Variants in HOOK3 observed in about 807,000 individuals in gnomAD.
The protein encoded by HOOK3 is protein Hook homolog 3.
Under a neutral mutation model 116.3 loss-of-function variants are expected in HOOK3, and 24 were observed. The observed-to-expected ratio is 0.21, with a 90% CI of 0.15 to 0.29. The LOEUF is 0.29. Among genes scored for constraint, HOOK3 ranks in the 10% least tolerant of loss-of-function variants. The pLI is 1.00. For synonymous variants in HOOK3, 275 were observed against 283.0 expected, an observed-to-expected ratio of 0.97 and a Z score of 0.28; for missense variants, 632 against 830.2, an observed-to-expected ratio of 0.76 and a Z score of 2.93.
At chr8:43,005,766 G>T (rs1033359316) in intron 17 of HOOK3, among the ~76,000 whole-genome samples, 1 of 151,684 alleles carries the variant, frequency 6.6e-6, no homozygotes, top group South Asian at 2.1e-4. Flanking sequence ...GCATGATCTC[G>T]GCTCACTTCA....
At chr8:42,962,572 A>G (rs563063603) in intron 8 of HOOK3, among the ~76,000 whole-genome samples, 3 of 150,732 alleles carry the variant, frequency 2.0e-5, no homozygotes, top group South Asian at 2.1e-4. Flanking sequence ...ACACCCAGCT[A>G]ATTTTTTATT....
intron 2 of HOOK3, among the ~76,000 whole-genome samples, chr8:42,923,845 G>C (rs1411030187): frequency 6.6e-6 from 1 of 152,124 alleles, no homozygotes; most frequent in Non-Finnish European, 1.5e-5. Flanking sequence ...AAAGTAAATA[G>C]ATAATGAAGT....
intron 1 of HOOK3, among the ~76,000 whole-genome samples, chr8:42,903,224 C>G (rs1209607739): frequency 6.6e-6 from 1 of 151,908 alleles, no homozygotes; most frequent in Non-Finnish European, 1.5e-5. Context: ...TAAAAACTTG[C>G]TATGAGGATC....
chr8:42,912,733 A>G (rs1807455639), intron 2 of HOOK3, among the ~76,000 whole-genome samples: 1 of 152,194 alleles, frequency 6.6e-6, no homozygotes, highest in South Asian at 2.1e-4. Context: ...ATTTGTTACA[A>G]TAGATAAACC....
At chr8:42,949,948 T>C (rs1428537813) in intron 5 of HOOK3, among the ~76,000 whole-genome samples, 2 of 150,974 alleles carry the variant, frequency 1.3e-5, no homozygotes, top group African/African-American at 2.4e-5. Context: ...TAAGGCAGAA[T>C]AATGCAGCAC....
chr8:42,983,399 A>G (rs1375090975), intron 14 of HOOK3, among the ~76,000 whole-genome samples: 1 of 151,884 alleles, frequency 6.6e-6, no homozygotes, highest in African/African-American at 2.4e-5. Context: ...TAATAATGCT[A>G]TAGACAGGAG....
chr8:42,947,706 T>C lies in HOOK3; in HGVS notation c.401-2682T>C, dbSNP rs1476845003. Among the ~76,000 whole-genome samples, 5 of 152,318 alleles carry C rather than the reference T, an allele frequency of 3.3e-5. No individual in the cohort carries two copies. In the East Asian group the frequency reaches 7.7e-4, roughly 23 times the overall value. ...GTTAAATATTAGCTGTCACTGCATATTTATGGTATATAATGTAAAACTCAC... is the reference window on the plus strand; with the variant it reads ...GTTAAATATTAGCTGTCACTGCATACTTATGGTATATAATGTAAAACTCAC... On this transcript the variant is annotated intron_variant, in intron 5 of 21. Transcript: ENST00000307602.
intron 16 of HOOK3, among the ~76,000 whole-genome samples, chr8:42,999,491 A>G (rs1481068270): frequency 6.6e-6 from 1 of 152,242 alleles, no homozygotes; most frequent in African/African-American, 2.4e-5. Context: ...GCCCCAGCAA[A>G]TATTTTTATG....
At chr8:42,922,433 A>G (rs1156870940) in intron 2 of HOOK3, among the ~76,000 whole-genome samples, 1 of 152,058 alleles carries the variant, frequency 6.6e-6, no homozygotes, top group Non-Finnish European at 1.5e-5. Flanking sequence ...GTGTCTTAGC[A>G]CTAGCTACTC....
chr8:42,982,254 T>TAAAAAAAAA (rs1162075588), intron 13 of HOOK3, among the ~76,000 whole-genome samples: 7 of 89,612 alleles, frequency 7.8e-5, no homozygotes, highest in Non-Finnish European at 1.3e-4. Flanking sequence ...GACTCTGTCT[T>TAAAAAAAAA]AAAAAAAAAA....
rs71550438 is a variant in HOOK3, at chr8:43,008,626, AATTTTT to A, written c.1738+734_1738+739del. On this transcript the variant is annotated intron_variant, in intron 18 of 21. Transcript: ENST00000307602. The stretch of plus-strand genomic sequence containing the variant: ...GAGCAACCATACCTGGCCTATATTA[AATTTTT>A]ATTTTTATTTTTATTTTTATTTTTA... Among the ~76,000 whole-genome samples, 1,410 of 142,996 alleles carry A rather than the reference AATTTTT, an allele frequency of 9.9e-3. 9 individuals are homozygous for A. Among genetic ancestry groups the A allele is most frequent in the African/African-American group, 0.012 (463 of 39,366 alleles). 93.8% of individuals were successfully genotyped at this position (142,996 alleles called of 152,430 possible). A position where few individuals can be genotyped will look rare whatever the true frequency, so the allele number is the denominator to read the frequency against.
chr8:42,949,794 G>A (rs559578227), intron 5 of HOOK3, among the ~76,000 whole-genome samples: 6 of 152,160 alleles, frequency 3.9e-5, no homozygotes, highest in East Asian at 1.9e-4. Flanking sequence ...GCGCACGCCT[G>A]TAGTCCCAGC....
intron 4 of HOOK3, among the ~76,000 whole-genome samples, chr8:42,931,493 G>A (rs1446330602): frequency 4.9e-5 from 7 of 144,054 alleles, no homozygotes; most frequent in East Asian, 2.1e-4. Flanking sequence ...GTGCAGTGGC[G>A]CAATCTCAGC....
rs1330011645 is a variant in HOOK3, at chr8:43,026,027, C to T, written c.*7529C>T. 1 of 210,604 alleles carries T rather than the reference C, an allele frequency of 4.7e-6. No individual in the cohort carries two copies. The highest frequency in any genetic ancestry group is 9.6e-6 in the Non-Finnish European group (1 of 103,852). 13.0% of individuals were successfully genotyped at this position (210,604 alleles called of 1,614,324 possible). On this transcript the variant is annotated 3_prime_UTR_variant, in exon 22 of 22. Transcript: ENST00000307602. ...ATTAGGTATCATGAGAAAAGCAACT[C>T]CTACTTGAGAGAAAGAAGACTACCA... is the stretch of plus-strand genomic sequence containing the variant.
chr8:43,005,255 C>G lies in HOOK3; in HGVS notation c.1656-2592C>G, dbSNP rs184769940. Among the ~76,000 whole-genome samples the G allele has an allele frequency of 7.3e-5, 9 of 123,168 alleles. No homozygotes were observed. The East Asian group carries it at 2.3e-3, about 32-fold the overall frequency. 80.8% of individuals were successfully genotyped at this position (123,168 alleles called of 152,430 possible). ...TTTTTTTTTGAGACGGAGTCTCGCT[C>G]TGTCCCCCAGGCTGGAGTGCAGTGG... is the stretch of plus-strand genomic sequence containing the variant. On this transcript the variant is annotated intron_variant, in intron 17 of 21. Coordinates refer to ENST00000307602, the MANE Select transcript of HOOK3 (RefSeq NM_032410.4).
intron 15 of HOOK3, among the ~76,000 whole-genome samples, chr8:42,992,763 T>C (rs1041808424): frequency 6.6e-6 from 1 of 151,766 alleles, no homozygotes; most frequent in Non-Finnish European, 1.5e-5. Flanking sequence ...TGTTGATTTG[T>C]AATTTGACTT....
intron 13 of HOOK3, among the ~76,000 whole-genome samples, chr8:42,974,733 C>T (rs1808788117): frequency 6.6e-6 from 1 of 152,186 alleles, no homozygotes; most frequent in Admixed American, 6.5e-5. Flanking sequence ...AAATTAGTCA[C>T]ACCTGCCTTT....
Position 43,010,338 on chromosome 8 carries a change from G to A in HOOK3, c.1772G>A (p.Arg591Gln), listed in dbSNP as rs745655253. 15 of 1,476,962 alleles carry A rather than the reference G, an allele frequency of 1.0e-5. No homozygotes were observed. Among genetic ancestry groups the A allele is most frequent in the Admixed American group, 2.3e-5 (1 of 43,178 alleles). 91.5% of individuals were successfully genotyped at this position (1,476,962 alleles called of 1,614,324 possible). A position where few individuals can be genotyped will look rare whatever the true frequency, so the allele number is the denominator to read the frequency against. The change falls in exon 19 of 22, where the codon CGA becomes CAA. Residue 591 changes from arginine to glutamine, a missense_variant. Physicochemically the swap from Arg to Gln is conservative, Grantham distance 43. This residue lies in a region of HOOK3 where 483 missense variants were observed against 648.1 expected (regional missense o/e 0.75). Coordinates refer to ENST00000307602, the MANE Select transcript of HOOK3 (RefSeq NM_032410.4). ...ATTGAAGAATTACAAGAAGCTTTAC[G>A]AAAGAAAGAGGAAGAAATGAAGCAA... ...LKIEELQEAL[R>Q]KKEEEMKQME...
chr8:42,971,248 G>A (rs1808721446), intron 11 of HOOK3, among the ~76,000 whole-genome samples: 1 of 152,044 alleles, frequency 6.6e-6, no homozygotes. Context: ...GCTATATGTT[G>A]TGTGTTTTTT....
Sources: gnomAD v4.1 joint callset for allele counts (sites outside exome capture counted in the v4.1 genomes callset) on GRCh38, gnomAD v4.1.1 for gene constraint, gnomAD v4.1.1 regional missense constraint, MANE v1.5 for transcripts, NCBI Gene and HGNC (gene_info 2026-07-23, HGNC 2026-07-21) for gene names.